CNTN4: variants seen among roughly 807,000 people sequenced by gnomAD.
CNTN4 encodes the protein contactin-4.
Under a neutral mutation model 122.5 loss-of-function variants are expected in CNTN4, and 77 were observed. The ratio of observed to expected loss-of-function variants is 0.63; its 90% CI spans 0.52 to 0.76. The LOEUF (loss-of-function observed/expected upper bound fraction) is 0.76. CNTN4 is among the 30% of genes least tolerant of loss of function. CNTN4 has a pLI of 0.00. For synonymous variants in CNTN4, 512 were observed against 447.0 expected (o/e 1.15, Z -1.83); for missense variants, 1,256 against 1,259.1 (o/e 1.00, Z 0.04).
intron 14 of CNTN4, among the ~76,000 whole-genome samples, chr3:2,999,689 G>A (rs992845588): frequency 2.6e-5 from 4 of 152,106 alleles, no homozygotes; most frequent in African/African-American, 4.8e-5. Flanking sequence ...CTCCCCACAC[G>A]AAGGTCTTTT....
intron 14 of CNTN4, among the ~76,000 whole-genome samples, chr3:3,011,579 G>T (rs1007906304): frequency 1.3e-5 from 2 of 152,150 alleles, no homozygotes; most frequent in African/African-American, 4.8e-5. Flanking sequence ...CACTGTTCTG[G>T]CAAATAAATG....
intron 2 of CNTN4, among the ~76,000 whole-genome samples, chr3:2,291,403 C>T (rs2042129360): frequency 6.6e-6 from 1 of 152,152 alleles, no homozygotes; most frequent in South Asian, 2.1e-4. Flanking sequence ...TTTTGACATG[C>T]AATTAGACTA....
intron 4 of CNTN4, among the ~76,000 whole-genome samples, chr3:2,574,441 C>T (rs999300601): frequency 1.3e-5 from 2 of 152,060 alleles, no homozygotes; most frequent in African/African-American, 4.8e-5. Context: ...TACAAGCAGG[C>T]TCATCCTGCA....
chr3:2,288,499 A>T (rs1358306185), intron 2 of CNTN4, among the ~76,000 whole-genome samples: 1 of 152,174 alleles, frequency 6.6e-6, no homozygotes, highest in Non-Finnish European at 1.5e-5. Flanking sequence ...AATACTTCCC[A>T]TTAGGCCCCT....
chr3:2,715,976 T>G (rs533498194), intron 4 of CNTN4, among the ~76,000 whole-genome samples: 1 of 152,260 alleles, frequency 6.6e-6, no homozygotes, highest in Non-Finnish European at 1.5e-5. Flanking sequence ...TGTTTATTTC[T>G]TTTTCGAGAA....
intron 3 of CNTN4, among the ~76,000 whole-genome samples, chr3:2,512,594 C>CT (rs2076920188): frequency 6.6e-6 from 1 of 152,130 alleles, no homozygotes; most frequent in South Asian, 2.1e-4. Flanking sequence ...TTTCCCTAAC[C>CT]TAAACATAAA....
intron 13 of CNTN4, among the ~76,000 whole-genome samples, chr3:2,949,936 A>T (rs10510242): frequency 1.3e-5 from 2 of 152,172 alleles, no homozygotes; most frequent in South Asian, 2.1e-4. Context: ...TGTTCATCTT[A>T]GTGGTTAAAA....
At chr3:2,300,710 C>T (rs2042476865) in intron 2 of CNTN4, among the ~76,000 whole-genome samples, 2 of 151,320 alleles carry the variant, frequency 1.3e-5, no homozygotes, top group South Asian at 2.1e-4. Context: ...TAGCTGGGAT[C>T]ACAGGCGCGC....
chr3:3,003,930 C>T (rs1159909454), intron 14 of CNTN4, among the ~76,000 whole-genome samples: 1 of 151,714 alleles, frequency 6.6e-6, no homozygotes, highest in African/African-American at 2.4e-5. Context: ...ACTAATTTTT[C>T]TGTATTTTTT....
rs1444975730 is a variant in CNTN4, at chr3:2,988,892, G to C, written c.1486+420G>C. On this transcript the variant is annotated intron_variant, in intron 14 of 24. Transcript: ENST00000418658. Reference sequence around the variant, plus strand: ...AATGACATTGGTAATTTTTAAGATAGCTGTCCCATTTATTCAGAGATATGG... The same window carrying C: ...AATGACATTGGTAATTTTTAAGATACCTGTCCCATTTATTCAGAGATATGG... The C allele has an allele frequency of 1.0e-4, 25 of 240,296 alleles. 1 individual carries two copies. The allele number at this position is 240,296 out of a possible 1,614,324, so 14.9% of individuals were successfully genotyped here. A position where few individuals can be genotyped will look rare whatever the true frequency, so the allele number is the denominator to read the frequency against.
At chr3:2,313,244 T>A (rs954801293) in intron 2 of CNTN4, among the ~76,000 whole-genome samples, 12 of 151,734 alleles carry the variant, frequency 7.9e-5, no homozygotes, top group Non-Finnish European at 1.3e-4. Context: ...AAAACAAAAA[T>A]ATAGTCATTA....
chr3:2,590,423 A>C (rs918464820), intron 4 of CNTN4, among the ~76,000 whole-genome samples: 3 of 151,824 alleles, frequency 2.0e-5, no homozygotes, highest in Non-Finnish European at 4.4e-5. Flanking sequence ...CGTCCAGCTA[A>C]TTTTTGTATT....
At chr3:2,843,416 T>C (rs2093398615) in intron 7 of CNTN4, among the ~76,000 whole-genome samples, 1 of 152,158 alleles carries the variant, frequency 6.6e-6, no homozygotes, top group African/African-American at 2.4e-5. Flanking sequence ...CTAACTGGTG[T>C]CCCTCCTTCT....
rs200219055 is a variant in CNTN4, at chr3:2,883,287, C to G, written c.755+40C>G. The G allele has an allele frequency of 5.5e-5, 80 of 1,455,958 alleles. No homozygotes were observed. The African/African-American group carries it at 1.0e-3, about 18-fold the overall frequency. 90.2% of individuals were successfully genotyped at this position (1,455,958 alleles called of 1,614,324 possible). A position where few individuals can be genotyped will look rare whatever the true frequency, so the allele number is the denominator to read the frequency against. On this transcript the variant is annotated intron_variant, in intron 9 of 24. Coordinates refer to ENST00000418658, the MANE Select transcript of CNTN4 (RefSeq NM_175607.3). ...GCGTTCCTTCTCATCCTCCCTTCAG[C>G]TTGAGCAGGTATAGAGTTTTTCTTG...
At chr3:2,166,952 A>T (rs1223918816) in intron 2 of CNTN4, among the ~76,000 whole-genome samples, 1 of 152,202 alleles carries the variant, frequency 6.6e-6, no homozygotes, top group Admixed American at 6.5e-5. Flanking sequence ...AAACGAGAAA[A>T]TATAAACAAA....
intron 4 of CNTN4, among the ~76,000 whole-genome samples, chr3:2,669,287 C>G (rs1576400780): frequency 6.6e-6 from 1 of 152,118 alleles, no homozygotes; most frequent in Non-Finnish European, 1.5e-5. Flanking sequence ...TTGGTCTATT[C>G]AGAGATTCAA....
chr3:2,429,886 C>T (rs542229961), intron 3 of CNTN4, among the ~76,000 whole-genome samples: 10 of 152,210 alleles, frequency 6.6e-5, no homozygotes, highest in Admixed American at 2.6e-4. Context: ...CCAAGCCACG[C>T]GCGGGATATA....
chr3:2,829,287 A>G (rs1406597319), intron 7 of CNTN4, among the ~76,000 whole-genome samples: 1 of 152,184 alleles, frequency 6.6e-6, no homozygotes, highest in Non-Finnish European at 1.5e-5. Flanking sequence ...CATTGAACAG[A>G]AAAAGAGAGC....
intron 8 of CNTN4, among the ~76,000 whole-genome samples, chr3:2,867,759 C>G (rs2093740362): frequency 1.3e-5 from 2 of 151,856 alleles, no homozygotes; most frequent in African/African-American, 4.8e-5. Flanking sequence ...CGTCAGGTAC[C>G]TACTGTATCG....
Sources: gnomAD v4.1 joint callset for allele counts (sites outside exome capture counted in the v4.1 genomes callset) on GRCh38, gnomAD v4.1.1 for gene constraint, MANE v1.5 for transcripts, NCBI Gene and HGNC (gene_info 2026-07-23, HGNC 2026-07-21) for gene names.